The following TENM3 variants were observed in gnomAD, a reference collection of about 807,000 sequenced individuals.
The protein encoded by TENM3 is teneurin-3.
TENM3 carries 63 observed loss-of-function variants against 255.1 expected under a neutral mutation model. The observed-to-expected ratio is 0.25, with a 90% CI of 0.20 to 0.30. TENM3 has a LOEUF of 0.30. Among genes scored for constraint, TENM3 ranks in the 10% least tolerant of loss-of-function variants. The pLI, the probability that TENM3 is intolerant of heterozygous loss-of-function variation, is 1.00. For missense variants in TENM3, 2,929 were observed against 3,461.1 expected, an observed-to-expected ratio of 0.85 and a Z score of 3.86; for synonymous variants, 1,306 against 1,322.3, an observed-to-expected ratio of 0.99 and a Z score of 0.27.
chr4:181,570,365 G>A, the TENM3 span, among the ~76,000 whole-genome samples: 979 of 152,156 alleles, frequency 6.4e-3, 16 homozygotes, highest in African/African-American at 0.022. Flanking sequence ...TCCAGGCGTG[G>A]TGGTGCATGC....
At chr4:182,749,991 A>AAAC (rs1554028878) in intron 19 of TENM3, among the ~76,000 whole-genome samples, 4 of 151,826 alleles carry the variant, frequency 2.6e-5, no homozygotes, top group African/African-American at 7.3e-5. Flanking sequence ...AGGAAAAAAA[A>AAAC]AAAACCTCTA....
At chr4:182,554,541 G>T (rs1742387949) in intron 3 of TENM3, among the ~76,000 whole-genome samples, 1 of 151,918 alleles carries the variant, frequency 6.6e-6, no homozygotes, top group Non-Finnish European at 1.5e-5. Context: ...TGTGTGCCAG[G>T]CAATTTGTGT....
the TENM3 span, among the ~76,000 whole-genome samples, chr4:181,697,038 G>T: frequency 3.3e-5 from 5 of 152,164 alleles, no homozygotes; most frequent in East Asian, 9.6e-4. Flanking sequence ...TCTCTTCGTG[G>T]CTCATACCCC....
chr4:181,587,715 G>C, the TENM3 span, among the ~76,000 whole-genome samples: 1 of 152,106 alleles, frequency 6.6e-6, no homozygotes, highest in Non-Finnish European at 1.5e-5. Context: ...TCTTCAATCT[G>C]GGCACCTCGC....
the TENM3 span, among the ~76,000 whole-genome samples, chr4:181,777,393 C>T: frequency 2.6e-5 from 4 of 152,030 alleles, no homozygotes; most frequent in Non-Finnish European, 5.9e-5. Flanking sequence ...GGCTGTTCAG[C>T]TCTTTTTTTG....
At chr4:181,815,833 A>G in the TENM3 span, among the ~76,000 whole-genome samples, 1 of 152,208 alleles carries the variant, frequency 6.6e-6, no homozygotes, top group Non-Finnish European at 1.5e-5. Context: ...GTAAGTCTTC[A>G]GAAACATTAA....
At chr4:181,872,591 G>A in the TENM3 span, among the ~76,000 whole-genome samples, 3 of 152,108 alleles carry the variant, frequency 2.0e-5, no homozygotes, top group Non-Finnish European at 4.4e-5. Flanking sequence ...TTACACAAAT[G>A]TCCATAATAT....
chr4:182,579,286 A>T (rs1305801233), intron 3 of TENM3, among the ~76,000 whole-genome samples: 1 of 152,214 alleles, frequency 6.6e-6, no homozygotes, highest in Non-Finnish European at 1.5e-5. Flanking sequence ...TCCTCAGAGC[A>T]CATATCTAGT....
the TENM3 span, among the ~76,000 whole-genome samples, chr4:181,902,200 AC>A: frequency 2.0e-5 from 3 of 147,220 alleles, no homozygotes; most frequent in African/African-American, 4.9e-5. Flanking sequence ...AAAAAAAAAA[AC>A]CCTATTAAAA....
chr4:181,843,716 C>CTTTTTTT, the TENM3 span, among the ~76,000 whole-genome samples: 2 of 104,698 alleles, frequency 1.9e-5, no homozygotes, highest in Non-Finnish European at 1.9e-5. Flanking sequence ...TAAGGGCCTT[C>CTTTTTTT]TTTTTTTTTT....
chr4:181,883,972 A>T, the TENM3 span, among the ~76,000 whole-genome samples: 276 of 152,276 alleles, frequency 1.8e-3, 1 homozygote, highest in African/African-American at 6.4e-3. Flanking sequence ...AATGAATGGG[A>T]GGCTGCATCC....
chr4:182,109,388 CTA>C, the TENM3 span, among the ~76,000 whole-genome samples: 2 of 151,030 alleles, frequency 1.3e-5, no homozygotes, highest in African/African-American at 4.9e-5. Flanking sequence ...TATATAGCTA[CTA>C]TATATAGAAT....
At chr4:182,270,962 C>T (rs983271628) in intron 1 of TENM3, among the ~76,000 whole-genome samples, 10 of 152,136 alleles carry the variant, frequency 6.6e-5, no homozygotes, top group Admixed American at 5.9e-4. Flanking sequence ...TAAAAATAAG[C>T]GTCACACAAG....
intron 1 of TENM3, among the ~76,000 whole-genome samples, chr4:182,154,727 T>G (rs1246573590): frequency 6.6e-6 from 1 of 152,076 alleles, no homozygotes; most frequent in Non-Finnish European, 1.5e-5. Context: ...TTAATAATAT[T>G]GAAAGCAACT....
At chr4:182,642,866 A>G (rs545858321) in intron 5 of TENM3, among the ~76,000 whole-genome samples, 4 of 152,346 alleles carry the variant, frequency 2.6e-5, no homozygotes, top group African/African-American at 9.6e-5. Context: ...GATTTAAAAT[A>G]ACAATATTTG....
intron 3 of TENM3, among the ~76,000 whole-genome samples, chr4:182,406,207 A>C (rs1000590021): frequency 1.3e-5 from 2 of 152,108 alleles, no homozygotes; most frequent in Non-Finnish European, 2.9e-5. Flanking sequence ...TGGGAGGCCG[A>C]GGCAGGAGAA....
the TENM3 span, among the ~76,000 whole-genome samples, chr4:181,711,610 C>T: frequency 6.6e-6 from 1 of 152,170 alleles, no homozygotes; most frequent in Non-Finnish European, 1.5e-5. Context: ...GAATGGAAGA[C>T]CCCTACCTTG....
At chr4:182,214,333 G>A (rs1033940818) in intron 1 of TENM3, among the ~76,000 whole-genome samples, 1 of 152,052 alleles carries the variant, frequency 6.6e-6, no homozygotes, top group African/African-American at 2.4e-5. Flanking sequence ...GATTTTGTTG[G>A]ACCTGACTTC....
chr4:182,741,656 A>C (rs754356782), intron 18 of TENM3, among the ~76,000 whole-genome samples: 2 of 152,240 alleles, frequency 1.3e-5, no homozygotes, highest in Non-Finnish European at 2.9e-5. Context: ...AATCTTAGAT[A>C]TCACTAATGC....
Sources: allele counts gnomAD v4.1 joint callset (sites outside exome capture counted in the v4.1 genomes callset), GRCh38; gene constraint gnomAD v4.1.1; transcripts MANE v1.5; gene names NCBI Gene and HGNC (gene_info 2026-07-23, HGNC 2026-07-21).